The following PTPRD variants were observed in gnomAD, a reference collection of about 807,000 sequenced individuals.
PTPRD encodes protein tyrosine phosphatase receptor type D.
Under a neutral mutation model 214.5 loss-of-function variants are expected in PTPRD, and 34 were observed. The observed-to-expected ratio is 0.16, with a 90% CI of 0.12 to 0.21. The LOEUF (loss-of-function observed/expected upper bound fraction) is 0.21, where lower values mean the gene tolerates loss of function less well. Among genes scored for constraint, PTPRD ranks in the 10% least tolerant of loss-of-function variants. The pLI is 1.00. For missense variants in PTPRD, 2,545 were observed against 2,398.7 expected (o/e 1.06, Z -1.27); for synonymous variants, 1,128 against 845.7 (o/e 1.33, Z -5.79).
chr9:9,901,907 G>C (rs1054048128), intron 5 of PTPRD, among the ~76,000 whole-genome samples: 1 of 152,246 alleles, frequency 6.6e-6, no homozygotes, highest in African/African-American at 2.4e-5. Context: ...GCGAGAACTC[G>C]CTCACCATCA....
At chr9:9,113,045 G>A (rs2099808347) in intron 10 of PTPRD, among the ~76,000 whole-genome samples, 1 of 151,388 alleles carries the variant, frequency 6.6e-6, no homozygotes, top group African/African-American at 2.4e-5. Context: ...GCTCACTGCA[G>A]CCTCAAACAC....
intron 12 of PTPRD, among the ~76,000 whole-genome samples, chr9:8,655,279 C>T (rs2096886901): frequency 6.6e-6 from 1 of 152,180 alleles, no homozygotes; most frequent in African/African-American, 2.4e-5. Context: ...TTCTGCTTTC[C>T]TCCCCTGCCT....
At chr9:10,533,397 A>G (rs2056945808) in intron 2 of PTPRD, among the ~76,000 whole-genome samples, 1 of 152,112 alleles carries the variant, frequency 6.6e-6, no homozygotes. Flanking sequence ...ATATTCTTAT[A>G]TTGTGTCTTA....
chr9:8,957,057 T>A (rs1197691844), intron 11 of PTPRD, among the ~76,000 whole-genome samples: 1 of 151,890 alleles, frequency 6.6e-6, no homozygotes. Context: ...ATTCTTCTCT[T>A]CCTTTACCAC....
At chr9:8,786,183 C>A (rs2095955073) in intron 11 of PTPRD, among the ~76,000 whole-genome samples, 1 of 151,706 alleles carries the variant, frequency 6.6e-6, no homozygotes, top group Non-Finnish European at 1.5e-5. Context: ...TGGAACCATT[C>A]ATAAATTAAC....
intron 3 of PTPRD, among the ~76,000 whole-genome samples, chr9:10,050,216 A>T (rs1377021147): frequency 2.0e-5 from 3 of 151,910 alleles, no homozygotes; most frequent in Non-Finnish European, 2.9e-5. Flanking sequence ...CAGGGGCAGT[A>T]GGTGGGGATG....
intron 39 of PTPRD, among the ~76,000 whole-genome samples, chr9:8,349,003 A>AT (rs2074647688): frequency 6.6e-6 from 1 of 152,076 alleles, no homozygotes; most frequent in Non-Finnish European, 1.5e-5. Context: ...GGCAATTTCC[A>AT]TGCCAGGGAA....
intron 10 of PTPRD, among the ~76,000 whole-genome samples, chr9:9,028,884 C>A (rs979382186): frequency 6.6e-6 from 1 of 151,334 alleles, no homozygotes; most frequent in African/African-American, 2.4e-5. Flanking sequence ...TAATTACGAT[C>A]GAAGGAGAAC....
chr9:8,404,960 T>C (rs1242656963), intron 35 of PTPRD, among the ~76,000 whole-genome samples: 1 of 152,224 alleles, frequency 6.6e-6, no homozygotes, highest in Non-Finnish European at 1.5e-5. Context: ...CCCTCTCTGC[T>C]GCTGTAGTTT....
intron 8 of PTPRD, among the ~76,000 whole-genome samples, chr9:9,557,008 C>T (rs749166831): frequency 3.3e-5 from 5 of 152,174 alleles, no homozygotes; most frequent in Non-Finnish European, 7.3e-5. Context: ...CCCTGAGACT[C>T]AGTGCTTTAT....
rs773607773 is a variant in PTPRD, at chr9:9,663,622, G to A, written c.-287+70911C>T. Reference sequence around the variant, plus strand: ...TGTTGCTCAATTTAAAAACTTGAGCGTCATCACTGACAACTCTCTCTCCTT... The same window carrying A: ...TGTTGCTCAATTTAAAAACTTGAGCATCATCACTGACAACTCTCTCTCCTT... On this transcript the variant is annotated intron_variant, in intron 7 of 45. Coordinates refer to ENST00000381196, the MANE Select transcript of PTPRD (RefSeq NM_002839.4). 5.9e-5 allele frequency among the ~76,000 whole-genome samples: 9 copies of A among 151,534 alleles called. No individual in the cohort carries two copies. The East Asian group carries it at 7.7e-4, about 13-fold the overall frequency.
intron 3 of PTPRD, among the ~76,000 whole-genome samples, chr9:10,125,499 G>A (rs2098811126): frequency 6.9e-6 from 1 of 144,602 alleles, no homozygotes; most frequent in Non-Finnish European, 1.5e-5. Context: ...CTGTTCCCCA[G>A]GTTGTAGTGC....
intron 2 of PTPRD, among the ~76,000 whole-genome samples, chr9:10,488,058 G>T (rs1409710400): frequency 6.8e-6 from 1 of 147,270 alleles, no homozygotes; most frequent in Non-Finnish European, 1.5e-5. Flanking sequence ...CAACCCTGTG[G>T]CCACCATGAC....
chr9:9,333,917 A>ATAGAATATTTCAT (rs1363437587), intron 9 of PTPRD, among the ~76,000 whole-genome samples: 2 of 151,982 alleles, frequency 1.3e-5, no homozygotes, highest in East Asian at 1.9e-4. Context: ...TATTGATGGA[A>ATAGAATATTTCAT]TAGAATATTT....
chr9:10,085,128 T>C (rs1025467527), intron 3 of PTPRD, among the ~76,000 whole-genome samples: 19 of 151,936 alleles, frequency 1.3e-4, no homozygotes, highest in African/African-American at 4.6e-4. Context: ...TCTCTTTTAA[T>C]ATTTCTATTT....
chr9:10,309,981 T>C (rs1596702499), intron 3 of PTPRD, among the ~76,000 whole-genome samples: 2 of 152,056 alleles, frequency 1.3e-5, no homozygotes, highest in South Asian at 2.1e-4. Context: ...TGAAATAATA[T>C]GTTCAGAGTT....
chr9:9,324,318 C>T (rs1968545753), intron 9 of PTPRD, among the ~76,000 whole-genome samples: 1 of 152,100 alleles, frequency 6.6e-6, no homozygotes, highest in Non-Finnish European at 1.5e-5. Flanking sequence ...AGTGTAAAAG[C>T]ATTCCTGTTT....
intron 30 of PTPRD, among the ~76,000 whole-genome samples, chr9:8,481,072 G>A (rs967989794): frequency 3.3e-5 from 5 of 150,250 alleles, no homozygotes; most frequent in Non-Finnish European, 7.4e-5. Flanking sequence ...CCCAGAAGGC[G>A]GAGCTTGCAG....
chr9:10,349,992 GAAACAGCA>G (rs1167049161), intron 2 of PTPRD, among the ~76,000 whole-genome samples: 3 of 152,206 alleles, frequency 2.0e-5, no homozygotes, highest in Non-Finnish European at 4.4e-5. Context: ...AATTGAAAGA[GAAACAGCA>G]ATGCCTATCA....
Sources: gnomAD v4.1 joint callset for allele counts (sites outside exome capture counted in the v4.1 genomes callset) on GRCh38, gnomAD v4.1.1 for gene constraint, MANE v1.5 for transcripts, NCBI Gene and HGNC (gene_info 2026-07-23, HGNC 2026-07-21) for gene names.